CHN2: variants seen among roughly 807,000 people sequenced by gnomAD.
The protein encoded by CHN2 is chimerin 2, also known as beta-chimaerin.
A neutral mutation model predicts 56.3 loss-of-function variants in CHN2; 35 were observed. The ratio of observed to expected loss-of-function variants is 0.62; its 90% CI spans 0.47 to 0.82. The LOEUF (loss-of-function observed/expected upper bound fraction) is 0.82, where lower values mean the gene tolerates loss of function less well. Ranked by LOEUF, CHN2 falls within the 40% of genes least tolerant of loss-of-function variation. The pLI is 0.00. For synonymous variants in CHN2, 210 were observed against 212.8 expected, an observed-to-expected ratio of 0.99 and a Z score of 0.12; for missense variants, 491 against 580.5, an observed-to-expected ratio of 0.85 and a Z score of 1.58.
intron 7 of CHN2, among the ~76,000 whole-genome samples, chr7:29,493,704 A>C (rs1788912786): frequency 1.3e-5 from 2 of 152,078 alleles, no homozygotes; most frequent in South Asian, 4.2e-4. Context: ...AGGTCCTATA[A>C]ATTCTGTCTT....
chr7:29,382,148 T>G (rs1800563237), intron 3 of CHN2, among the ~76,000 whole-genome samples: 1 of 152,356 alleles, frequency 6.6e-6, no homozygotes, highest in Non-Finnish European at 1.5e-5. Context: ...ACATAAGTTC[T>G]CAATAACTAT....
intron 6 of CHN2, among the ~76,000 whole-genome samples, chr7:29,415,483 C>T (rs1285385466): frequency 1.3e-5 from 2 of 150,950 alleles, no homozygotes; most frequent in East Asian, 2.0e-4. Flanking sequence ...CAGAAGAGCC[C>T]GAATGGAGTC....
intron 1 of CHN2, chr7:29,213,360 G>A: frequency 1.6e-6 from 1 of 639,854 alleles, no homozygotes; most frequent in Non-Finnish European, 2.8e-6. Context: ...CAATTTGATG[G>A]AGGATACAGT....
intron 1 of CHN2, among the ~76,000 whole-genome samples, chr7:29,300,091 G>C (rs748284634): frequency 3.2e-4 from 49 of 152,218 alleles, no homozygotes; most frequent in Non-Finnish European, 5.1e-4. Flanking sequence ...GAGGAGCCTG[G>C]CCTCTTCTGT....
intron 1 of CHN2, among the ~76,000 whole-genome samples, chr7:29,247,395 C>G (rs779575838): frequency 5.9e-5 from 9 of 152,180 alleles, no homozygotes; most frequent in Non-Finnish European, 1.3e-4. Context: ...CCCTCTCCGG[C>G]ACTCAGGGAA....
At chr7:29,498,738 CAGAATGTAGA>C (rs973979673) in intron 8 of CHN2, among the ~76,000 whole-genome samples, 1 of 145,980 alleles carries the variant, frequency 6.9e-6, no homozygotes, top group African/African-American at 2.6e-5. Context: ...CAGAATGTAG[CAGAATGTAGA>C]CTATGCTGCC....
chr7:29,316,737 A>G (rs921865979), intron 1 of CHN2, among the ~76,000 whole-genome samples: 5 of 151,472 alleles, frequency 3.3e-5, no homozygotes, highest in Non-Finnish European at 7.4e-5. Context: ...TTTTTTCCAC[A>G]ATGTTGGGAT....
chr7:29,263,717 G>A lies in CHN2; in HGVS notation c.49+68727G>A, dbSNP rs941734491. 1.1e-4 allele frequency among the ~76,000 whole-genome samples: 16 copies of A among 151,664 alleles called. No individual in the cohort carries two copies. In the South Asian group the frequency reaches 3.1e-3, roughly 30 times the overall value. ...AAGTGAGGAGTGTCTCTGCCCGGCC[G>A]CCCATCATCTGGGATGTGGGGAGCG... On this transcript the variant is annotated intron_variant, in intron 1 of 12. Coordinates refer to ENST00000222792, the MANE Select transcript of CHN2 (RefSeq NM_004067.4).
chr7:29,429,658 G>T (rs1562600128), intron 6 of CHN2, among the ~76,000 whole-genome samples: 3 of 152,156 alleles, frequency 2.0e-5, no homozygotes, highest in African/African-American at 7.2e-5. Context: ...TGGAAAATGT[G>T]ATTGAGTTTT....
At chr7:29,294,893 C>T (rs115156163) in intron 1 of CHN2, among the ~76,000 whole-genome samples, 2,194 of 152,262 alleles carry the variant, frequency 0.014, 54 homozygotes, top group African/African-American at 0.049. Flanking sequence ...TTCCCAGACC[C>T]TTGCAGTCCT....
intron 1 of CHN2, among the ~76,000 whole-genome samples, chr7:29,204,932 AT>A (rs1784416650): frequency 6.6e-6 from 1 of 152,254 alleles, no homozygotes; most frequent in Non-Finnish European, 1.5e-5. Context: ...GCAATTACAC[AT>A]GTAAGACATG....
intron 8 of CHN2, among the ~76,000 whole-genome samples, chr7:29,497,355 T>C (rs1174803659): frequency 6.6e-6 from 1 of 152,216 alleles, no homozygotes. Flanking sequence ...TTGCTGGTAT[T>C]AACCAGTTTC....
intron 1 of CHN2, among the ~76,000 whole-genome samples, chr7:29,351,350 G>A (rs189492316): frequency 7.2e-4 from 109 of 152,236 alleles, no homozygotes; most frequent in African/African-American, 1.4e-3. Flanking sequence ...CCTGTTACAC[G>A]TCAGGCACCT....
intron 2 of CHN2, among the ~76,000 whole-genome samples, chr7:29,355,513 T>C (rs893655476): frequency 1.3e-5 from 2 of 152,080 alleles, no homozygotes; most frequent in Non-Finnish European, 2.9e-5. Context: ...GCCTAAGCCT[T>C]GTCTCCTCTT....
intron 7 of CHN2, among the ~76,000 whole-genome samples, chr7:29,494,444 T>G (rs985944853): frequency 6.6e-6 from 1 of 152,184 alleles, no homozygotes; most frequent in African/African-American, 2.4e-5. Context: ...GATAGGATAC[T>G]TTACTGAGGA....
At chr7:29,211,358 G>A (rs917208052) in intron 1 of CHN2, among the ~76,000 whole-genome samples, 6 of 151,762 alleles carry the variant, frequency 4.0e-5, no homozygotes, top group Non-Finnish European at 5.9e-5. Flanking sequence ...GATTACAGGC[G>A]TGAGCCACCG....
rs3750100 is a variant in CHN2 at position 29,512,474 on chromosome 7, A to C, written c.1236-90A>C. Reference sequence around the variant, plus strand: ...TTTTTCTTGCAATTTCCTGAACCAGAGATGTTATCGGGACTTACATACATA... The same window carrying C: ...TTTTTCTTGCAATTTCCTGAACCAGCGATGTTATCGGGACTTACATACATA... On this transcript the variant is annotated intron_variant, in intron 12 of 12. Coordinates refer to ENST00000222792, the MANE Select transcript of CHN2 (RefSeq NM_004067.4). 1.3e-3 allele frequency: 1,495 copies of C among 1,110,818 alleles called. 45 individuals carry two copies. In the East Asian group the frequency reaches 0.036, roughly 27 times the overall value. 68.8% of individuals were successfully genotyped at this position (1,110,818 alleles called of 1,614,324 possible). A position where few individuals can be genotyped will look rare whatever the true frequency, so the allele number is the denominator to read the frequency against.
rs3841178 is a variant in CHN2 at position 29,292,472 on chromosome 7, ACTT to A, written c.50-62150_50-62148del. 1.4e-4 allele frequency among the ~76,000 whole-genome samples: 22 copies of A among 152,340 alleles called. 1 individual carries two copies. In the East Asian group the frequency reaches 4.2e-3, roughly 29 times the overall value. ...AAGGCTTGAAATATTTTTCTACACT[ACTT>A]CTGTGATTTATTGATTCACCCCTGC... On this transcript the variant is annotated intron_variant, in intron 1 of 12. Coordinates refer to ENST00000222792, the MANE Select transcript of CHN2 (RefSeq NM_004067.4).
At chr7:29,322,754 C>G (rs921936511) in intron 1 of CHN2, among the ~76,000 whole-genome samples, 10 of 152,130 alleles carry the variant, frequency 6.6e-5, no homozygotes, top group African/African-American at 2.4e-4. Flanking sequence ...CAGGGACGGC[C>G]TAGAGTTAGA....
Sources: allele counts gnomAD v4.1 joint callset (sites outside exome capture counted in the v4.1 genomes callset), GRCh38; gene constraint gnomAD v4.1.1; transcripts MANE v1.5; gene names NCBI Gene and HGNC (gene_info 2026-07-23, HGNC 2026-07-21).